Variants in RASAL2 observed in about 807,000 individuals in gnomAD.
The protein encoded by RASAL2 is RAS protein activator like 2, also known as ras GTPase-activating protein nGAP.
In RASAL2, 58 loss-of-function variants were observed where a neutral mutation model predicts 128.9. The ratio of observed to expected loss-of-function variants is 0.45; its 90% confidence interval spans 0.36 to 0.56. The LOEUF is 0.56. Ranked by LOEUF, RASAL2 falls within the 20% of genes least tolerant of loss-of-function variation. RASAL2 has a pLI of 0.00. For missense variants in RASAL2, 1,360 were observed against 1,601.6 expected, an observed-to-expected ratio of 0.85 and a Z score of 2.57; for synonymous variants, 561 against 580.8, an observed-to-expected ratio of 0.97 and a Z score of 0.49.
chr1:178,184,108 C>T (rs150853399), intron 1 of RASAL2, among the ~76,000 whole-genome samples: 1 of 152,266 alleles, frequency 6.6e-6, no homozygotes, highest in African/African-American at 2.4e-5. Flanking sequence ...CTTTGGTAAG[C>T]TGCCCATTCA....
intron 3 of RASAL2, among the ~76,000 whole-genome samples, chr1:178,324,398 A>G (rs933812678): frequency 6.6e-6 from 1 of 151,900 alleles, no homozygotes; most frequent in African/African-American, 2.4e-5. Flanking sequence ...GTGACAGAGC[A>G]AGACTCGATC....
intron 1 of RASAL2, among the ~76,000 whole-genome samples, chr1:178,239,385 A>T (rs554889319): frequency 1.3e-5 from 2 of 152,072 alleles, no homozygotes; most frequent in South Asian, 2.1e-4. Context: ...GTCAGAGTCC[A>T]TGCCTGTTGT....
At chr1:178,254,687 T>A (rs1665237767) in intron 1 of RASAL2, among the ~76,000 whole-genome samples, 1 of 152,172 alleles carries the variant, frequency 6.6e-6, no homozygotes, top group Non-Finnish European at 1.5e-5. Context: ...CCTCAGCTCC[T>A]TGTTGGAATT....
intron 1 of RASAL2, among the ~76,000 whole-genome samples, chr1:178,165,548 C>G (rs1243729427): frequency 1.3e-5 from 2 of 152,140 alleles, no homozygotes; most frequent in Non-Finnish European, 2.9e-5. Flanking sequence ...AGTCCTGGAA[C>G]TAATCCCCTA....
intron 4 of RASAL2, among the ~76,000 whole-genome samples, chr1:178,413,525 T>C (rs2102714742): frequency 6.6e-6 from 1 of 152,288 alleles, no homozygotes; most frequent in African/African-American, 2.4e-5. Context: ...TTACTGCAGT[T>C]CCTCTCACCT....
intron 1 of RASAL2, among the ~76,000 whole-genome samples, chr1:178,179,986 G>A (rs1662031396): frequency 6.6e-6 from 1 of 152,148 alleles, no homozygotes; most frequent in African/African-American, 2.4e-5. Context: ...AACAAGGGGA[G>A]AGGAAGCTAG....
At chr1:178,148,036 A>G (rs1283463899) in intron 1 of RASAL2, among the ~76,000 whole-genome samples, 3 of 152,172 alleles carry the variant, frequency 2.0e-5, no homozygotes, top group Admixed American at 2.0e-4. Context: ...ATGCCACTGC[A>G]CTCCAGCCTG....
chr1:178,470,025 G>A (rs904282553), intron 17 of RASAL2, among the ~76,000 whole-genome samples: 3 of 152,102 alleles, frequency 2.0e-5, no homozygotes, highest in African/African-American at 4.8e-5. Flanking sequence ...CCAGCTGTTG[G>A]CTTACTGATA....
intron 1 of RASAL2, among the ~76,000 whole-genome samples, chr1:178,150,784 G>A (rs1211960745): frequency 6.6e-6 from 1 of 152,222 alleles, no homozygotes; most frequent in South Asian, 2.1e-4. Context: ...TACTTGCAGA[G>A]CAGCAAAAAT....
chr1:178,436,917 G>C (rs775507770), intron 5 of RASAL2, among the ~76,000 whole-genome samples: 1 of 151,930 alleles, frequency 6.6e-6, no homozygotes, highest in African/African-American at 2.4e-5. Flanking sequence ...AGTTGGCCTC[G>C]TCTCTTTTCT....
rs35942778 is a variant in RASAL2 at position 178,164,481 on chromosome 1, T to TTGTGTG, written c.202+69806_202+69811dup. Among the ~76,000 whole-genome samples the TTGTGTG allele has an allele frequency of 5.8e-3, 838 of 145,066 alleles. 8 individuals are homozygous for TTGTGTG. The highest frequency in any genetic ancestry group is 0.053 in the East Asian group (261 of 4,892). On this transcript the variant is annotated intron_variant, in intron 1 of 17. Coordinates refer to ENST00000367649, the MANE Select transcript of RASAL2 (RefSeq NM_170692.4). ...CAAGAATTACAATGATAATTAGCATTTGTGTGTGTGTGTGTGTGTGTGTGC... is the reference window on the plus strand; with the variant it reads ...CAAGAATTACAATGATAATTAGCATTTGTGTGTGTGTGTGTGTGTGTGTGTGTGTGC...
At chr1:178,300,429 T>C (rs114196305) in intron 3 of RASAL2, among the ~76,000 whole-genome samples, 1,889 of 152,336 alleles carry the variant, frequency 0.012, 15 homozygotes, top group Non-Finnish European at 0.021. Context: ...TTTGGTGATC[T>C]TGTTGAAGCA....
At chr1:178,186,164 T>C (rs1662286296) in intron 1 of RASAL2, among the ~76,000 whole-genome samples, 1 of 152,112 alleles carries the variant, frequency 6.6e-6, no homozygotes, top group South Asian at 2.1e-4. Context: ...ATGGACAAAG[T>C]GTTGTTTGTA....
chr1:178,242,541 C>A (rs531015821), intron 1 of RASAL2, among the ~76,000 whole-genome samples: 2 of 149,862 alleles, frequency 1.3e-5, no homozygotes, highest in African/African-American at 4.9e-5. Context: ...AGTCCTCCAC[C>A]CTCGGCTTCT....
intron 5 of RASAL2, among the ~76,000 whole-genome samples, chr1:178,436,526 T>G (rs1676264834): frequency 6.6e-6 from 1 of 151,944 alleles, no homozygotes; most frequent in African/African-American, 2.4e-5. Context: ...AAGAAGAAAA[T>G]ATATGTAAGC....
chr1:178,297,317 A>G (rs1667560286), intron 2 of RASAL2, among the ~76,000 whole-genome samples: 1 of 151,924 alleles, frequency 6.6e-6, no homozygotes, highest in Non-Finnish European at 1.5e-5. Context: ...TTTAGCTAAG[A>G]AGCAATCTGT....
chr1:178,260,404 A>T, intron 1 of RASAL2, among the ~76,000 whole-genome samples: 1 of 94,458 alleles, frequency 1.1e-5, no homozygotes, highest in Non-Finnish European at 2.1e-5. Context: ...ATATATATAT[A>T]TATATATATA....
chr1:178,255,515 T>C (rs1266288832), intron 1 of RASAL2, among the ~76,000 whole-genome samples: 1 of 152,058 alleles, frequency 6.6e-6, no homozygotes, highest in Non-Finnish European at 1.5e-5. Context: ...GTATTAATAT[T>C]ATTGGGTTTA....
intron 5 of RASAL2, among the ~76,000 whole-genome samples, chr1:178,439,096 T>C (rs1165522642): frequency 6.6e-6 from 1 of 152,082 alleles, no homozygotes; most frequent in East Asian, 1.9e-4. Context: ...AGAGTATATA[T>C]TTCTCCGTCT....
Sources: allele counts gnomAD v4.1 joint callset (sites outside exome capture counted in the v4.1 genomes callset), GRCh38; gene constraint gnomAD v4.1.1; transcripts MANE v1.5; gene names NCBI Gene and HGNC (gene_info 2026-07-23, HGNC 2026-07-21).